The following ARRDC1 variants were observed in gnomAD, a reference collection of about 807,000 sequenced individuals.
ARRDC1 encodes arrestin domain-containing protein 1.
ARRDC1 carries 37 observed loss-of-function variants against 40.1 expected under a neutral mutation model. That is an observed-to-expected ratio of 0.92 (90% CI 0.71 to 1.21). The LOEUF (loss-of-function observed/expected upper bound fraction) is 1.21. Ranked by LOEUF, ARRDC1 falls within the 50% of genes most tolerant of loss-of-function variation. The probability of loss-of-function intolerance (pLI) is 0.00; values close to 1 mark genes in which losing one functional copy is unlikely to be tolerated. For missense variants in ARRDC1, 641 were observed against 581.9 expected (o/e 1.10, Z -1.04); for synonymous variants, 310 against 262.5 (o/e 1.18, Z -1.75).
In ARRDC1 at chr9:137,605,793, G is replaced by A. The variant is rs1842411893; in HGVS notation, c.76G>A (p.Gly26Arg). The change falls in exon 1 of 8, where the codon GGG (glycine) becomes AGG (arginine). Residue 26 changes from glycine (G) to arginine (R), a missense_variant. Physicochemically the swap from Gly to Arg is moderately radical, Grantham distance 125 (BLOSUM62 -2). Transcript: ENST00000371421. ...CTACAGCCCCGGGGAGCCGTTGGCT[G>A]GGACCGTGCGCGTGCGCCTGGGGGC... ...VVYSPGEPLAGTVRVRLGAPL... is the reference protein window; with the variant it reads ...VVYSPGEPLARTVRVRLGAPL... 3 of 1,308,510 alleles carry A rather than the reference G, an allele frequency of 2.3e-6. No homozygotes were observed. The highest frequency in any genetic ancestry group is 2.9e-6 in the Non-Finnish European group (3 of 1,029,086). The allele number at this position is 1,308,510 out of a possible 1,614,324, so 81.1% of individuals were successfully genotyped here. A position where few individuals can be genotyped will look rare whatever the true frequency, so the allele number is the denominator to read the frequency against.
chr9:137,614,925 G>A lies in ARRDC1; in HGVS notation c.1162G>A (p.Gly388Ser). The A allele has an allele frequency of 6.2e-7, 1 of 1,613,880 alleles. No individual in the cohort carries two copies. The highest frequency in any genetic ancestry group is 1.1e-5 in the South Asian group (1 of 91,080). The stretch of plus-strand genomic sequence containing the variant: ...TGCCACTGTCCCCTACTTTGCAGAG[G>A]GCTCCGGGGGGCCAGTGCCCACTAC... ...TGATVPYFAE[G>S]SGGPVPTTST... Residue 388 changes from glycine (G) to serine (S), a missense_variant, in exon 7 of 8, where the codon GGC becomes AGC. Gly to Ser is a moderately conservative substitution (Grantham distance 56). Coordinates refer to ENST00000371421, the MANE Select transcript of ARRDC1 (RefSeq NM_152285.4).
chr9:137,608,077 G>A (rs62590240), intron 1 of ARRDC1, among the ~76,000 whole-genome samples: 68 of 152,162 alleles, frequency 4.5e-4, no homozygotes, highest in Non-Finnish European at 7.8e-4. Context: ...CCGCCTCCCC[G>A]GTTCACGCCA....
intron 1 of ARRDC1, among the ~76,000 whole-genome samples, chr9:137,608,647 CAT>C (rs1373618834): frequency 1.3e-5 from 2 of 152,254 alleles, no homozygotes; most frequent in Non-Finnish European, 2.9e-5. Flanking sequence ...AAGGCAGAAA[CAT>C]GGCCGCTGCC....
chr9:137,606,678 G>A (rs1842429002), intron 1 of ARRDC1, among the ~76,000 whole-genome samples: 1 of 152,270 alleles, frequency 6.6e-6, no homozygotes, highest in African/African-American at 2.4e-5. Context: ...AAGAAGCCGG[G>A]TGGTAGGTGC....
rs2133334889 is a variant in ARRDC1, at chr9:137,611,536, G to T, written c.119-1360G>T. 3 of 153,084 alleles carry T rather than the reference G, an allele frequency of 2.0e-5. No individual in the cohort carries two copies. In the South Asian group the frequency reaches 6.1e-4, roughly 31 times the overall value. The allele number at this position is 153,084 out of a possible 1,614,324, so 9.5% of individuals were successfully genotyped here. A position where few individuals can be genotyped will look rare whatever the true frequency, so the allele number is the denominator to read the frequency against. ...ATCGTGCCACTGCACACTAGCCTGG[G>T]CGGCGGGAGTGAGACCGTGTCTCAA... On this transcript the variant is annotated intron_variant, in intron 1 of 7. Coordinates refer to ENST00000371421, the MANE Select transcript of ARRDC1 (RefSeq NM_152285.4).
At chr9:137,608,415 T>A (rs1842460112) in intron 1 of ARRDC1, among the ~76,000 whole-genome samples, 1 of 152,210 alleles carries the variant, frequency 6.6e-6, no homozygotes, top group Non-Finnish European at 1.5e-5. Flanking sequence ...AGCCACTCAG[T>A]CCTGCAGCCA....
Position 137,614,670 on chromosome 9 carries a change from GCCCCACCCCTGGT to G in ARRDC1, c.908_920del (p.Ala303GlyfsTer43), listed in dbSNP as rs1842628602. 1 of 1,612,506 alleles carries G rather than the reference GCCCCACCCCTGGT, an allele frequency of 6.2e-7. No individual in the cohort carries two copies. Among genetic ancestry groups the G allele is most frequent in the Non-Finnish European group, 8.5e-7 (1 of 1,179,778 alleles). ...GCCAGGCCTGGGGCTGCCTCCTGGGGCCCCACCCCTGGTGGTGCCTTCCGCACCACCCCAGGAG... is the reference window on the plus strand; with the variant it reads ...GCCAGGCCTGGGGCTGCCTCCTGGGGGGTGCCTTCCGCACCACCCCAGGAG... On this transcript the variant is annotated frameshift_variant, in exon 7 of 8. Coordinates refer to ENST00000371421, the MANE Select transcript of ARRDC1 (RefSeq NM_152285.4). LOFTEE classifies it high-confidence loss of function.
Position 137,605,688 on chromosome 9 carries a change from C to A in ARRDC1, c.-30C>A, listed in dbSNP as rs769022197. On this transcript the variant is annotated 5_prime_UTR_variant, in exon 1 of 8. Transcript: ENST00000371421. ...ACTCGCGGGCGGCGGGCGGGGGCGT[C>A]GCTGCGCGGCTGGCCGGTGAGGCCG... 5.4e-6 allele frequency: 7 copies of A among 1,297,484 alleles called. No homozygotes were observed. The Admixed American group carries it at 1.2e-4, about 22-fold the overall frequency. 80.4% of individuals were successfully genotyped at this position (1,297,484 alleles called of 1,614,324 possible).
intron 1 of ARRDC1, among the ~76,000 whole-genome samples, chr9:137,609,478 C>T (rs1842476703): frequency 6.6e-6 from 1 of 152,158 alleles, no homozygotes; most frequent in African/African-American, 2.4e-5. Flanking sequence ...AGGTGATCCG[C>T]CCGCCTCAGC....
rs757365279 is a variant in ARRDC1 at position 137,614,930 on chromosome 9, CG to C, written c.1173del (p.Pro392GlnfsTer8). 6 of 1,613,850 alleles carry C rather than the reference CG, an allele frequency of 3.7e-6. No individual in the cohort carries two copies. The highest frequency in any genetic ancestry group is 1.3e-5 in the African/African-American group (1 of 75,046). On this transcript the variant is annotated frameshift_variant, in exon 7 of 8. Transcript: ENST00000371421. LOFTEE classifies it high-confidence loss of function. Reference protein sequence around the residue: ...ATVPYFAEGSGGPVPTTSTLI... With the variant: ...ATVPYFAEGSXGPVPTTSTLI... ...CTGTCCCCTACTTTGCAGAGGGCTC[CG>C]GGGGGCCAGTGCCCACTACCAGCAC...
chr9:137,611,400 A>G (rs531701775), intron 1 of ARRDC1: 1 of 152,290 alleles, frequency 6.6e-6, no homozygotes, highest in Non-Finnish European at 1.5e-5. Flanking sequence ...AAAACAAAAA[A>G]CAAAAAACAA....
At chr9:137,613,826 A>G (rs1251410386) in intron 4 of ARRDC1, 57 bp downstream of exon 4, 13 of 1,597,052 alleles carry the variant, frequency 8.1e-6, no homozygotes, top group Non-Finnish European at 1.1e-5. Context: ...AGGCTGGGGA[A>G]GAGCTGGGCA....
At chr9:137,610,055 C>T (rs1243205271) in intron 1 of ARRDC1, among the ~76,000 whole-genome samples, 3 of 152,108 alleles carry the variant, frequency 2.0e-5, no homozygotes, top group Admixed American at 2.0e-4. Context: ...ACCTCGTGAT[C>T]TGCCCGCCTC....
At chr9:137,613,864 C>T (rs1842594084) in intron 4 of ARRDC1, 95 bp downstream of exon 4, 3 of 1,557,114 alleles carry the variant, frequency 1.9e-6, no homozygotes. Context: ...GCGTCCTGTC[C>T]CCAGCTGAGG....
chr9:137,605,960 T>G, intron 1 of ARRDC1, 125 bp downstream of exon 1: 1 of 485,882 alleles, frequency 2.1e-6, no homozygotes, highest in Non-Finnish European at 3.1e-6. Flanking sequence ...CGCCCGGGAC[T>G]GCTGGGAAGC....
chr9:137,605,831 C>G lies in ARRDC1; in HGVS notation c.114C>G (p.Phe38Leu). Residue 38 changes from phenylalanine (F) to leucine (L), a missense_variant, in exon 1 of 8, where the codon TTC (phenylalanine) becomes TTG (leucine). Physicochemically the swap from Phe to Leu is conservative, Grantham distance 22. Transcript: ENST00000371421. The part of the protein sequence containing the change: ...VRVRLGAPLP[F>L]RAIRVTCIGS... ...TGCGCCTGGGGGCACCGCTGCCGTT[C>G]CGAGGTGGGCGCGGGTCCTCGGGGA... 1 of 1,254,970 alleles carries G rather than the reference C, an allele frequency of 8.0e-7. No individual in the cohort carries two copies. 77.7% of individuals were successfully genotyped at this position (1,254,970 alleles called of 1,614,324 possible).
chr9:137,605,714 CG>C lies in ARRDC1; in HGVS notation c.-2del. 7.3e-7 allele frequency: 1 copy of C among 1,363,250 alleles called. No individual in the cohort carries two copies. 84.4% of individuals were successfully genotyped at this position (1,363,250 alleles called of 1,614,324 possible). A position where few individuals can be genotyped will look rare whatever the true frequency, so the allele number is the denominator to read the frequency against. ...GCTGCGCGGCTGGCCGGTGAGGCCG[CG>C]GCATGGGGCGAGTGCAGCTCTTCGA... On this transcript the variant is annotated 5_prime_UTR_variant, in exon 1 of 8. Transcript: ENST00000371421.
chr9:137,614,844 C>G lies in ARRDC1; in HGVS notation c.1081C>G (p.Gln361Glu). ...SVPGAPEPCPQDGSPASHPLH... is the reference protein window; with the variant it reads ...SVPGAPEPCPEDGSPASHPLH... ...GCCTGGTGCGCCGGAGCCCTGCCCT[C>G]AGGATGGCAGCCCTGCCTCACACCC... Residue 361 changes from glutamine to glutamate, a missense_variant, in exon 7 of 8, where the codon CAG (glutamine) becomes GAG (glutamate). Transcript: ENST00000371421. 1 of 1,613,510 alleles carries G rather than the reference C, an allele frequency of 6.2e-7. No individual in the cohort carries two copies. Among genetic ancestry groups the G allele is most frequent in the Non-Finnish European group, 8.5e-7 (1 of 1,179,988 alleles).
chr9:137,605,903 T>C, intron 1 of ARRDC1, 68 bp downstream of exon 1: 2 of 983,098 alleles, frequency 2.0e-6, no homozygotes, highest in Non-Finnish European at 2.6e-6. Context: ...CGGAAGCGGC[T>C]GCCGTCGCCT....
Sources: gnomAD v4.1 joint callset for allele counts (sites outside exome capture counted in the v4.1 genomes callset) on GRCh38, gnomAD v4.1.1 for gene constraint, MANE v1.5 for transcripts, NCBI Gene and HGNC (gene_info 2026-07-23, HGNC 2026-07-21) for gene names.